The following ADTRP variants were observed in gnomAD, a reference collection of about 807,000 sequenced individuals.
ADTRP encodes androgen-dependent TFPI-regulating protein.
A neutral mutation model predicts 27.0 loss-of-function variants in ADTRP; 20 were observed. The ratio of observed to expected loss-of-function variants is 0.74; its 90% confidence interval spans 0.52 to 1.08. ADTRP has a LOEUF of 1.08. Among genes scored for constraint, ADTRP ranks in the 50% least tolerant of loss-of-function variants. The pLI, the probability that ADTRP is intolerant of heterozygous loss-of-function variation, is 0.00. For missense variants in ADTRP, 251 were observed against 275.0 expected (o/e 0.91, Z 0.62); for synonymous variants, 101 against 105.2 (o/e 0.96, Z 0.25).
chr6:11,734,638 T>C (rs887098741), intron 4 of ADTRP, among the ~76,000 whole-genome samples: 7 of 152,176 alleles, frequency 4.6e-5, no homozygotes, highest in African/African-American at 1.4e-4. Context: ...CAAGTTTATT[T>C]GCTCTAAGAC....
At chr6:11,729,626 T>C (rs1762321477) in intron 4 of ADTRP, among the ~76,000 whole-genome samples, 1 of 152,180 alleles carries the variant, frequency 6.6e-6, no homozygotes, top group South Asian at 2.1e-4. Flanking sequence ...CCATCTTTCT[T>C]GAGACTGCAG....
chr6:11,768,672 G>A (rs1381782830), intron 1 of ADTRP, among the ~76,000 whole-genome samples: 1 of 152,144 alleles, frequency 6.6e-6, no homozygotes, highest in Admixed American at 6.5e-5. Flanking sequence ...AGCCTAAAAG[G>A]GGAATGTAAG....
chr6:11,750,912 C>A (rs1763025433), intron 3 of ADTRP, among the ~76,000 whole-genome samples: 1 of 152,226 alleles, frequency 6.6e-6, no homozygotes, highest in Admixed American at 6.5e-5. Context: ...ATTGCAACGG[C>A]ACAATCTTGG....
intron 4 of ADTRP, among the ~76,000 whole-genome samples, 153 bp downstream of exon 4, chr6:11,735,412 AAAC>A (rs1459826766): frequency 6.6e-6 from 1 of 152,252 alleles, no homozygotes; most frequent in Non-Finnish European, 1.5e-5. Flanking sequence ...CATTAAAATC[AAAC>A]AATAAGAATG....
chr6:11,748,395 A>G (rs1323749567), intron 3 of ADTRP, among the ~76,000 whole-genome samples: 1 of 152,236 alleles, frequency 6.6e-6, no homozygotes. Flanking sequence ...TCAAGGTCAT[A>G]GAGAAACTAC....
intron 3 of ADTRP, among the ~76,000 whole-genome samples, chr6:11,758,526 C>T (rs1763284909): frequency 7.9e-6 from 1 of 127,226 alleles, no homozygotes; most frequent in African/African-American, 3.0e-5. Context: ...ACAATGAGAA[C>T]ACATGGACAC....
intron 1 of ADTRP, among the ~76,000 whole-genome samples, chr6:11,772,320 T>G (rs1331773796): frequency 2.0e-5 from 3 of 152,246 alleles, no homozygotes; most frequent in Non-Finnish European, 4.4e-5. Flanking sequence ...ATTGACACTT[T>G]TAAATAACTA....
At chr6:11,765,962 G>A (rs1415394889) in intron 3 of ADTRP, among the ~76,000 whole-genome samples, 5 of 152,112 alleles carry the variant, frequency 3.3e-5, no homozygotes, top group African/African-American at 4.8e-5. Flanking sequence ...CACATCGGAA[G>A]TTTATGACAT....
chr6:11,737,719 C>T (rs1383544576), intron 3 of ADTRP, among the ~76,000 whole-genome samples: 12 of 152,176 alleles, frequency 7.9e-5, no homozygotes. Context: ...CTGGGCATCT[C>T]AAGGGCCCTG....
rs1020826904 is a variant in ADTRP at position 11,741,467 on chromosome 6, G to A, written c.391-5784C>T. On this transcript the variant is annotated intron_variant, in intron 3 of 5. Transcript: ENST00000414691. ...AGAAATGAATGCCCCACTGGGCCAA[G>A]GAAGAAAAGCATAGTGTTGTTTATG... is the stretch of plus-strand genomic sequence containing the variant. Among the ~76,000 whole-genome samples, 3 of 152,328 alleles carry A rather than the reference G, an allele frequency of 2.0e-5. No homozygotes were observed. In the East Asian group the frequency reaches 5.8e-4, roughly 29 times the overall value.
intron 3 of ADTRP, among the ~76,000 whole-genome samples, chr6:11,758,683 C>G (rs558506676): frequency 6.6e-6 from 1 of 150,518 alleles, no homozygotes; most frequent in Admixed American, 6.6e-5. Flanking sequence ...CTAACCTGCA[C>G]GTTGTGCACA....
At chr6:11,730,888 G>A (rs1762360279) in intron 4 of ADTRP, among the ~76,000 whole-genome samples, 1 of 152,234 alleles carries the variant, frequency 6.6e-6, no homozygotes, top group South Asian at 2.1e-4. Context: ...CTCCAGGCCA[G>A]CTGGGGTGGT....
chr6:11,714,225 C>T lies in ADTRP; in HGVS notation c.*253G>A, dbSNP rs868282309. ...CCAGATTTTAACCAGAGACCATCCT[C>T]CACGAAGGTCAAAGATAATTAATTC... On this transcript the variant is annotated 3_prime_UTR_variant, in exon 6 of 6. Transcript: ENST00000414691. The T allele has an allele frequency of 8.5e-6, 4 of 467,940 alleles. No homozygotes were observed. Among genetic ancestry groups the T allele is most frequent in the African/African-American group, 8.0e-5 (4 of 49,812 alleles). 29.0% of individuals were successfully genotyped at this position (467,940 alleles called of 1,614,324 possible).
chr6:11,736,450 T>G (rs1214990231), intron 3 of ADTRP: 1 of 152,618 alleles, frequency 6.6e-6, no homozygotes, highest in East Asian at 1.9e-4. Context: ...TGCACACACA[T>G]GCACATGCAC....
intron 3 of ADTRP, among the ~76,000 whole-genome samples, chr6:11,753,959 T>G (rs1297806195): frequency 6.6e-6 from 1 of 152,172 alleles, no homozygotes; most frequent in Non-Finnish European, 1.5e-5. Context: ...AGAGGGAGGA[T>G]GCACCAACAC....
intron 1 of ADTRP, chr6:11,769,948 T>C: frequency 6.9e-7 from 1 of 1,443,712 alleles, no homozygotes; most frequent in South Asian, 1.2e-5. Flanking sequence ...TGAACTGTGT[T>C]TCATTCTCAT....
chr6:11,725,138 C>G (rs1454548635), intron 4 of ADTRP, among the ~76,000 whole-genome samples: 1 of 152,124 alleles, frequency 6.6e-6, no homozygotes, highest in Non-Finnish European at 1.5e-5. Context: ...GGGCTATATT[C>G]AGGACCGGGA....
intron 3 of ADTRP, among the ~76,000 whole-genome samples, chr6:11,750,826 C>T (rs1329823628): frequency 6.6e-6 from 1 of 152,144 alleles, no homozygotes. Flanking sequence ...TGCACATGAT[C>T]CTCCCCAATC....
rs150297829 is a variant in ADTRP, at chr6:11,768,386, A to G, written c.154-3T>C. 1.5e-4 allele frequency: 245 copies of G among 1,614,024 alleles called. 1 individual carries two copies. The African/African-American group carries it at 2.8e-3, about 19-fold the overall frequency. On this transcript the variant is annotated splice_region_variant and splice_polypyrimidine_tract_variant and intron_variant, in intron 1 of 5. Transcript: ENST00000414691. ...CCGTAGAAAATGGTCTGCAAGAGCT[A>G]AATCCATTACAACAAATGAGGGCAT...
Sources: gnomAD v4.1 joint callset for allele counts (sites outside exome capture counted in the v4.1 genomes callset) on GRCh38, gnomAD v4.1.1 for gene constraint, MANE v1.5 for transcripts, NCBI Gene and HGNC (gene_info 2026-07-23, HGNC 2026-07-21) for gene names.